The following LDLRAD3 variants were observed in gnomAD, a reference collection of about 807,000 sequenced individuals.
The protein encoded by LDLRAD3 is low-density lipoprotein receptor class A domain-containing protein 3.
LDLRAD3 carries 20 observed loss-of-function variants against 29.4 expected under a neutral mutation model. The observed-to-expected ratio is 0.68, with a 90% CI of 0.48 to 0.99. The LOEUF (loss-of-function observed/expected upper bound fraction) is 0.99. Among genes scored for constraint, LDLRAD3 ranks in the 50% least tolerant of loss-of-function variants. The pLI, the probability that LDLRAD3 is intolerant of heterozygous loss-of-function variation, is 0.00. For synonymous variants in LDLRAD3, 157 were observed against 192.7 expected, an observed-to-expected ratio of 0.81 and a Z score of 1.53; for missense variants, 420 against 454.3, an observed-to-expected ratio of 0.92 and a Z score of 0.69.
At chr11:36,054,162 T>C (rs540511654) in intron 2 of LDLRAD3, among the ~76,000 whole-genome samples, 1 of 152,256 alleles carries the variant, frequency 6.6e-6, no homozygotes, top group Non-Finnish European at 1.5e-5. Flanking sequence ...AGAAATATTT[T>C]GTTTTTCATT....
At chr11:36,061,311 G>A (rs941794630) in intron 2 of LDLRAD3, among the ~76,000 whole-genome samples, 3 of 152,060 alleles carry the variant, frequency 2.0e-5, no homozygotes, top group Non-Finnish European at 2.9e-5. Flanking sequence ...GCTAATTTTT[G>A]TATTTTTTTA....
intron 2 of LDLRAD3, among the ~76,000 whole-genome samples, chr11:36,068,033 A>T (rs946747428): frequency 6.6e-6 from 1 of 152,100 alleles, no homozygotes; most frequent in Non-Finnish European, 1.5e-5. Flanking sequence ...TCTCATTGCA[A>T]TCATCTGCTT....
intron 4 of LDLRAD3, among the ~76,000 whole-genome samples, chr11:36,127,643 A>G (rs2133302296): frequency 6.6e-6 from 1 of 152,302 alleles, no homozygotes; most frequent in South Asian, 2.1e-4. Context: ...TAAAGCTATA[A>G]TGTTAGTTAA....
intron 1 of LDLRAD3, among the ~76,000 whole-genome samples, chr11:36,021,733 C>CCGGG (rs770805889): frequency 6.6e-6 from 1 of 152,188 alleles, no homozygotes; most frequent in Non-Finnish European, 1.5e-5. Context: ...CCTCTGCCTG[C>CCGGG]CGGGCTCAAG....
At chr11:36,117,800 C>G (rs1319795308) in intron 4 of LDLRAD3, among the ~76,000 whole-genome samples, 3 of 152,188 alleles carry the variant, frequency 2.0e-5, no homozygotes, top group African/African-American at 7.2e-5. Flanking sequence ...AATCCTTCAG[C>G]TCCTAATATG....
At chr11:36,116,684 A>T (rs1046225607) in intron 4 of LDLRAD3, among the ~76,000 whole-genome samples, 1 of 151,328 alleles carries the variant, frequency 6.6e-6, no homozygotes, top group Non-Finnish European at 1.5e-5. Context: ...AATAAAAAAT[A>T]AAAAAATAAA....
At chr11:36,097,609 T>A in intron 3 of LDLRAD3, among the ~76,000 whole-genome samples, 1 of 151,266 alleles carries the variant, frequency 6.6e-6, no homozygotes, top group African/African-American at 2.4e-5. Context: ...CTTGGAAGGG[T>A]GAGTAGGGGG....
rs1851034312 is a variant in LDLRAD3 at position 35,944,670 on chromosome 11, C to T, written c.46+526C>T. On this transcript the variant is annotated intron_variant, in intron 1 of 5. Coordinates refer to ENST00000315571, the MANE Select transcript of LDLRAD3 (RefSeq NM_174902.4). This position sits in a 1 kb window ranked among gnomAD's most constrained non-coding sequence, Gnocchi z 4.9. ...GTAGCAAAGCTGCTTCCTTTCATTC[C>T]TCTCTGGGACTGTTTGGTTTGGGTA... is the stretch of plus-strand genomic sequence containing the variant. Among the ~76,000 whole-genome samples, 1 of 152,172 alleles carries T rather than the reference C, an allele frequency of 6.6e-6. No homozygotes were observed. Among genetic ancestry groups the T allele is most frequent in the African/African-American group, 2.4e-5 (1 of 41,452 alleles).
At chr11:36,053,688 G>T (rs1311652143) in intron 2 of LDLRAD3, among the ~76,000 whole-genome samples, 2 of 152,216 alleles carry the variant, frequency 1.3e-5, no homozygotes, top group Admixed American at 1.3e-4. Flanking sequence ...GACCCCAGAA[G>T]AAGAGACTTA....
At chr11:36,073,725 T>A (rs147668173) in intron 2 of LDLRAD3, among the ~76,000 whole-genome samples, 152 of 152,366 alleles carry the variant, frequency 1.0e-3, no homozygotes, top group African/African-American at 3.6e-3. Context: ...AGGCAGGAAG[T>A]CTCATTAGTA....
chr11:36,156,349 G>C (rs1219533822), intron 4 of LDLRAD3, among the ~76,000 whole-genome samples: 1 of 152,222 alleles, frequency 6.6e-6, no homozygotes, highest in Non-Finnish European at 1.5e-5. Context: ...GCCCAAGTTT[G>C]TTCGTATAGC....
chr11:36,210,835 A>C (rs1210160533), intron 4 of LDLRAD3, among the ~76,000 whole-genome samples: 1 of 152,228 alleles, frequency 6.6e-6, no homozygotes, highest in East Asian at 1.9e-4. Context: ...CTGTAGGAAC[A>C]TTTCAGTAGC....
At chr11:36,095,995 G>GAAGTCAGACCTCGGTTTCGGCTC (rs1590263308) in intron 3 of LDLRAD3, among the ~76,000 whole-genome samples, 2 of 152,304 alleles carry the variant, frequency 1.3e-5, no homozygotes, top group East Asian at 3.9e-4. Flanking sequence ...GGTTTTGGCT[G>GAAGTCAGACCTCGGTTTCGGCTC]AAGTCAGACC....
At chr11:36,081,606 T>A in intron 2 of LDLRAD3, 47 bp from the exon 3 acceptor site, 1 of 1,613,404 alleles carries the variant, frequency 6.2e-7, no homozygotes, top group Non-Finnish European at 8.5e-7. Flanking sequence ...TATGCAGTCA[T>A]CTGAGAACAT....
chr11:36,030,542 T>C (rs1222427034), intron 1 of LDLRAD3, among the ~76,000 whole-genome samples: 1 of 152,036 alleles, frequency 6.6e-6, no homozygotes, highest in Non-Finnish European at 1.5e-5. Flanking sequence ...ACTATGTTTG[T>C]TGGCACTGGG....
At chr11:36,005,557 C>T (rs1201988000) in intron 1 of LDLRAD3, among the ~76,000 whole-genome samples, 1 of 152,224 alleles carries the variant, frequency 6.6e-6, no homozygotes, top group Non-Finnish European at 1.5e-5. Context: ...CCACATCTTC[C>T]TGCCTTCTTC....
chr11:36,017,772 G>A (rs1852042818), intron 1 of LDLRAD3, among the ~76,000 whole-genome samples: 2 of 151,986 alleles, frequency 1.3e-5, no homozygotes, highest in African/African-American at 2.4e-5. Flanking sequence ...TGATCCACCC[G>A]CTTGGCCTCC....
At chr11:36,082,864 C>T (rs1364155757) in intron 3 of LDLRAD3, among the ~76,000 whole-genome samples, 1 of 152,224 alleles carries the variant, frequency 6.6e-6, no homozygotes, top group Non-Finnish European at 1.5e-5. Flanking sequence ...GCTCGCCCAT[C>T]AGGTTGCTTC....
chr11:36,087,727 C>T (rs56310020), intron 3 of LDLRAD3, among the ~76,000 whole-genome samples: 16,219 of 150,114 alleles, frequency 0.11, 1,024 homozygotes, highest in South Asian at 0.2. Flanking sequence ...TTTTTTTTTT[C>T]CCAAATAGGG....
Sources: allele counts gnomAD v4.1 joint callset (sites outside exome capture counted in the v4.1 genomes callset), GRCh38; gene constraint gnomAD v4.1.1; non-coding constraint Gnocchi (gnomAD v3.1); transcripts MANE v1.5; gene names NCBI Gene and HGNC (gene_info 2026-07-23, HGNC 2026-07-21).